COL12A1: variants seen among roughly 807,000 people sequenced by gnomAD.
COL12A1 encodes the protein collagen alpha-1(XII) chain.
In COL12A1, 114 loss-of-function variants were observed where a neutral mutation model predicts 349.7. The ratio of observed to expected loss-of-function variants is 0.33; its 90% CI spans 0.28 to 0.38. The LOEUF (loss-of-function observed/expected upper bound fraction) is 0.38, where lower values mean the gene tolerates loss of function less well. Among genes scored for constraint, COL12A1 ranks in the 10% least tolerant of loss-of-function variants. The pLI, the probability that COL12A1 is intolerant of heterozygous loss-of-function variation, is 1.00. For synonymous variants in COL12A1, 1,369 were observed against 1,329.0 expected (o/e 1.03, Z -0.66); for missense variants, 3,284 against 3,756.9 (o/e 0.87, Z 3.29).
In COL12A1 at chr6:75,183,867, CAT is replaced by C; in HGVS notation, c.1273_1274del (p.Met425GlufsTer21). On this transcript the variant is annotated frameshift_variant, in exon 9 of 66. Coordinates refer to ENST00000322507, the MANE Select transcript of COL12A1 (RefSeq NM_004370.6). LOFTEE classifies it high-confidence loss of function. ...PISIMEKTQP[M>X]KVQVECSRGV... is the part of the protein sequence containing the mutation. ...ACATTGACTTACCCACTTGAACTTT[CAT>C]TGGCTGAGTCTTCTCCATTATTGAA... is the stretch of plus-strand genomic sequence containing the variant. The C allele has an allele frequency of 6.2e-7, 1 of 1,614,084 alleles. No individual in the cohort carries two copies. The highest frequency in any genetic ancestry group is 8.5e-7 in the Non-Finnish European group (1 of 1,179,944).
chr6:75,156,141 T>C (rs1767750111), intron 15 of COL12A1, 116 bp downstream of exon 15: 1 of 1,275,220 alleles, frequency 7.8e-7, no homozygotes. Context: ...CTAGTAATTA[T>C]AATTTAACTT....
In COL12A1 at chr6:75,133,377, G is replaced by A; in HGVS notation, c.5710C>T (p.Gln1904Ter). Residue 1904 changes from glutamine to a stop codon, truncating the protein, a stop_gained, in exon 34 of 66, where the codon CAG becomes TAG. Coordinates refer to ENST00000322507, the MANE Select transcript of COL12A1 (RefSeq NM_004370.6). LOFTEE classifies it high-confidence loss of function. ...GTCACAGTGTATGAGGTATCTGGCT[G>A]CAGATTCCTAAGAATGGCATAATTG... ...NTNYAILRNL[Q>*]PDTSYTVTVV... The A allele has an allele frequency of 6.2e-7, 1 of 1,612,492 alleles. No individual in the cohort carries two copies. The highest frequency in any genetic ancestry group is 8.5e-7 in the Non-Finnish European group (1 of 1,179,048).
intron 14 of COL12A1, among the ~76,000 whole-genome samples, 178 bp from the exon 15 acceptor site, chr6:75,156,701 T>C (rs1186145116): frequency 6.6e-6 from 1 of 152,176 alleles, no homozygotes; most frequent in African/African-American, 2.4e-5. Context: ...CTCATCAAGA[T>C]CTCAGTAAGA....
intron 10 of COL12A1, among the ~76,000 whole-genome samples, chr6:75,181,956 C>T (rs139598344): frequency 0.012 from 1,764 of 151,082 alleles, 37 homozygotes; most frequent in African/African-American, 0.041. Context: ...ATTAGCCAGG[C>T]GTGGTGGCAC....
intron 60 of COL12A1, among the ~76,000 whole-genome samples, chr6:75,094,066 A>G (rs1767892584): frequency 6.6e-6 from 1 of 152,218 alleles, no homozygotes; most frequent in Non-Finnish European, 1.5e-5. Flanking sequence ...GGTTGGTGCA[A>G]ACGTAATTAT....
chr6:75,154,647 G>A, intron 16 of COL12A1, 110 bp from the exon 17 acceptor site: 1 of 1,146,546 alleles, frequency 8.7e-7, no homozygotes. Flanking sequence ...CTTACACTAT[G>A]AAGAGTTTAT....
intron 53 of COL12A1, 92 bp downstream of exon 53, chr6:75,106,327 A>T (rs752351823): frequency 5.5e-6 from 6 of 1,084,594 alleles, no homozygotes; most frequent in Non-Finnish European, 8.3e-6. Flanking sequence ...CTGAATATAC[A>T]ACTGTGCAGT....
In COL12A1 at chr6:75,086,410, G is replaced by T; in HGVS notation, c.*137C>A. ...AGTCTCCACCCTCCTTTGTGATGTC[G>T]ACCCGGTTCGTTAACCATTATCTGT... On this transcript the variant is annotated 3_prime_UTR_variant, in exon 66 of 66. Coordinates refer to ENST00000322507, the MANE Select transcript of COL12A1 (RefSeq NM_004370.6). 1.6e-6 allele frequency: 1 copy of T among 608,282 alleles called. No individual in the cohort carries two copies. The highest frequency in any genetic ancestry group is 2.7e-6 in the Non-Finnish European group (1 of 364,166). The allele number at this position is 608,282 out of a possible 1,614,324, so 37.7% of individuals were successfully genotyped here.
chr6:75,176,720 G>C (rs1490469917), intron 12 of COL12A1, among the ~76,000 whole-genome samples: 1 of 152,160 alleles, frequency 6.6e-6, no homozygotes, highest in African/African-American at 2.4e-5. Flanking sequence ...ATAACATAAA[G>C]TCTATGCAGA....
rs1003800235 is a variant in COL12A1 at position 75,117,329 on chromosome 6, T to C, written c.7519+53A>G. 4 of 1,570,212 alleles carry C rather than the reference T, an allele frequency of 2.5e-6. No individual in the cohort carries two copies. In the Admixed American group the frequency reaches 6.8e-5, roughly 27 times the overall value. ...AAAGGATATAGAATTGTCTACTAAG[T>C]AATTGTTTTTCAGAATAAGTGAGGT... On this transcript the variant is annotated intron_variant, in intron 47 of 65. Transcript: ENST00000322507.
rs749681990 is a variant in COL12A1 at position 75,134,735 on chromosome 6, C to T, written c.5515G>A (p.Gly1839Ser). The change falls in exon 32 of 66, where the codon GGC becomes AGC. Residue 1839 changes from glycine to serine, a missense_variant. Coordinates refer to ENST00000322507, the MANE Select transcript of COL12A1 (RefSeq NM_004370.6). ...CTCAGGTTTCACTTACTGGTCTTGC[C>T]TCTTCCCGTCATCCGACCTCCTTCA... ...DGEGGRMTGR[G>S]KTKPLNTVRN... 2.5e-6 allele frequency: 4 copies of T among 1,605,052 alleles called. No individual in the cohort carries two copies. The highest frequency in any genetic ancestry group is 4.5e-5 in the East Asian group (2 of 44,812).
At chr6:75,117,361 T>A in intron 47 of COL12A1, 21 bp downstream of exon 47, 1 of 1,611,338 alleles carries the variant, frequency 6.2e-7, no homozygotes, top group Non-Finnish European at 8.5e-7. Flanking sequence ...AGGTTATAGA[T>A]CCATGTTGAC....
chr6:75,130,287 G>T, intron 36 of COL12A1, 54 bp from the exon 37 acceptor site: 1 of 1,577,782 alleles, frequency 6.3e-7, no homozygotes, highest in Non-Finnish European at 8.6e-7. Flanking sequence ...CATTACCTAA[G>T]TCAGATTAAG....
intron 44 of COL12A1, among the ~76,000 whole-genome samples, chr6:75,120,847 A>G (rs1769322979): frequency 6.6e-6 from 1 of 152,216 alleles, no homozygotes; most frequent in Non-Finnish European, 1.5e-5. Context: ...TAGCTCAACA[A>G]TGGACCTTCT....
chr6:75,204,695 C>T (rs916245069), intron 1 of COL12A1, among the ~76,000 whole-genome samples: 1 of 151,988 alleles, frequency 6.6e-6, no homozygotes, highest in Non-Finnish European at 1.5e-5. Context: ...GCTAAGTGGA[C>T]TCGTCCCCTT....
chr6:75,139,451 G>T (rs1048677043), intron 27 of COL12A1, among the ~76,000 whole-genome samples: 4 of 152,038 alleles, frequency 2.6e-5, no homozygotes, highest in African/African-American at 9.7e-5. Flanking sequence ...TTCATTTATT[G>T]TTCATAATTT....
intron 24 of COL12A1, 70 bp from the exon 25 acceptor site, chr6:75,145,525 C>A: frequency 6.7e-7 from 1 of 1,492,934 alleles, no homozygotes; most frequent in South Asian, 1.3e-5. Context: ...TTGGAATAGT[C>A]AACTGAAGTT....
intron 27 of COL12A1, among the ~76,000 whole-genome samples, chr6:75,139,729 G>A: frequency 6.6e-6 from 1 of 152,130 alleles, no homozygotes; most frequent in Admixed American, 6.5e-5. Flanking sequence ...CCTTAAACAT[G>A]ATATGAAGCA....
intron 13 of COL12A1, among the ~76,000 whole-genome samples, chr6:75,166,700 G>T (rs934444757): frequency 2.6e-5 from 4 of 152,034 alleles, no homozygotes; most frequent in Non-Finnish European, 4.4e-5. Context: ...ACCAGTAATT[G>T]TTGTATATTC....
Sources: allele counts gnomAD v4.1 joint callset (sites outside exome capture counted in the v4.1 genomes callset), GRCh38; gene constraint gnomAD v4.1.1; transcripts MANE v1.5; gene names NCBI Gene and HGNC (gene_info 2026-07-23, HGNC 2026-07-21).